NRXN1: variants seen among roughly 807,000 people sequenced by gnomAD.
NRXN1 encodes the protein neurexin-1.
Under a neutral mutation model 150.9 loss-of-function variants are expected in NRXN1, and 39 were observed. That is an observed-to-expected ratio of 0.26 (90% CI 0.20 to 0.34). The LOEUF (loss-of-function observed/expected upper bound fraction) is 0.34, where lower values mean the gene tolerates loss of function less well. Ranked by LOEUF, NRXN1 falls within the 10% of genes least tolerant of loss-of-function variation. The pLI, the probability that NRXN1 is intolerant of heterozygous loss-of-function variation, is 1.00. For synonymous variants in NRXN1, 924 were observed against 757.0 expected (o/e 1.22, Z -3.62); for missense variants, 1,815 against 1,949.9 (o/e 0.93, Z 1.30).
intron 5 of NRXN1, among the ~76,000 whole-genome samples, chr2:50,760,465 G>C (rs1701676864): frequency 1.3e-5 from 2 of 151,754 alleles, no homozygotes; most frequent in African/African-American, 2.4e-5. Flanking sequence ...CTCAGATCCT[G>C]TATGAAGACT....
intron 17 of NRXN1, among the ~76,000 whole-genome samples, chr2:50,295,054 T>C (rs2073402915): frequency 1.3e-5 from 2 of 152,240 alleles, no homozygotes; most frequent in African/African-American, 4.8e-5. Context: ...GCATGTTAAA[T>C]GCCTAGAAAG....
chr2:50,515,093 TCTCCATTA>T (rs2092589043), intron 12 of NRXN1, among the ~76,000 whole-genome samples: 1 of 152,122 alleles, frequency 6.6e-6, no homozygotes, highest in Non-Finnish European at 1.5e-5. Flanking sequence ...TTACAGCCGC[TCTCCATTA>T]CTCACATCAC....
Position 50,694,665 on chromosome 2 carries a change from T to C in NRXN1, c.833-71050A>G, listed in dbSNP as rs535734934. Among the ~76,000 whole-genome samples, 5 of 152,280 alleles carry C rather than the reference T, an allele frequency of 3.3e-5. No individual in the cohort carries two copies. The South Asian group carries it at 6.2e-4, about 19-fold the overall frequency. On this transcript the variant is annotated intron_variant, in intron 5 of 22. Transcript: ENST00000401669. ...AGGGAAAAGAAAATCAAACCAATTC[T>C]ACCAAAGAACAAATCAATTGATTTG...
At chr2:50,129,473 G>A (rs931710861) in intron 18 of NRXN1, among the ~76,000 whole-genome samples, 2 of 152,052 alleles carry the variant, frequency 1.3e-5, no homozygotes, top group Non-Finnish European at 2.9e-5. Flanking sequence ...AGTTTATATA[G>A]GATTACTTTT....
rs138249598 is a variant in NRXN1 at position 50,931,687 on chromosome 2, AT to A, written c.773-5733del. Among the ~76,000 whole-genome samples, 637 of 152,120 alleles carry A rather than the reference AT, an allele frequency of 4.2e-3. 2 individuals are homozygous for A. Among genetic ancestry groups the A allele is most frequent in the African/African-American group, 0.015 (618 of 41,538 alleles). On this transcript the variant is annotated intron_variant, in intron 2 of 22. Coordinates refer to ENST00000401669, the MANE Select transcript of NRXN1 (RefSeq NM_001330078.2). ...ATTTCTTCAGAGCTCTTAGTTTTTC[AT>A]TTTATATGGTGTTAAAAATTCACTG...
chr2:50,744,580 T>C (rs1699797376), intron 5 of NRXN1, among the ~76,000 whole-genome samples: 1 of 152,174 alleles, frequency 6.6e-6, no homozygotes. Flanking sequence ...GGTCCTTCAT[T>C]TATTCTATTG....
intron 5 of NRXN1, among the ~76,000 whole-genome samples, chr2:50,698,695 A>G (rs1693289491): frequency 6.6e-6 from 1 of 152,204 alleles, no homozygotes. Context: ...TGTGAAAACC[A>G]CTGAAACAGA....
intron 5 of NRXN1, among the ~76,000 whole-genome samples, chr2:50,831,903 G>A (rs371246007): frequency 1.1e-4 from 17 of 152,288 alleles, no homozygotes; most frequent in African/African-American, 4.1e-4. Context: ...GAGAAACAGC[G>A]TTCTGAGTGA....
intron 5 of NRXN1, among the ~76,000 whole-genome samples, chr2:50,629,019 C>T (rs1337108094): frequency 2.0e-5 from 3 of 151,598 alleles, no homozygotes; most frequent in Non-Finnish European, 4.4e-5. Flanking sequence ...GCAACTAGAA[C>T]TCTCATACAT....
chr2:50,664,396 C>CGTGTGTGTGTGTGTGT (rs35702112), intron 5 of NRXN1, among the ~76,000 whole-genome samples: 1 of 108,038 alleles, frequency 9.3e-6, no homozygotes, highest in Admixed American at 1.1e-4. Context: ...AAGTTTAAAG[C>CGTGTGTGTGTGTGTGT]GTGTGTGTGT....
At position 50,552,675 on chromosome 2, in the gene NRXN1, C is replaced by T. The variant is rs746407370; in HGVS notation, c.1671G>A (p.Gly557=). The T allele has an allele frequency of 2.5e-6, 4 of 1,613,764 alleles. No homozygotes were observed. The highest frequency in any genetic ancestry group is 4.5e-5 in the East Asian group (2 of 44,880). ...DGHLYLLLDM[G]SGTIKIKALL... is the part of the protein sequence containing the mutation. ...GGGCTTTTATTTTTATAGTACCTGA[C>T]CCCATGTCCAGGAGGAGGTAGAGGT... Residue 557 remains glycine, a synonymous_variant, in exon 9 of 23, where the codon GGG becomes GGA. Coordinates refer to ENST00000401669, the MANE Select transcript of NRXN1 (RefSeq NM_001330078.2).
At chr2:50,235,845 C>A (rs961826540) in intron 18 of NRXN1, among the ~76,000 whole-genome samples, 1 of 151,986 alleles carries the variant, frequency 6.6e-6, no homozygotes, top group Non-Finnish European at 1.5e-5. Flanking sequence ...CTTCTGAAAT[C>A]TTCCAAAAGA....
At chr2:50,999,554 C>T (rs912009749) in intron 2 of NRXN1, among the ~76,000 whole-genome samples, 1 of 151,960 alleles carries the variant, frequency 6.6e-6, no homozygotes, top group Non-Finnish European at 1.5e-5. Flanking sequence ...CCCCAGGCAC[C>T]CAGCTTTAAA....
At chr2:50,479,713 T>A (rs79145336) in intron 15 of NRXN1, among the ~76,000 whole-genome samples, 404 of 151,172 alleles carry the variant, frequency 2.7e-3, no homozygotes, top group African/African-American at 8.6e-3. Flanking sequence ...ACCTGAGCAA[T>A]AATGAATTAA....
intron 18 of NRXN1, among the ~76,000 whole-genome samples, chr2:50,153,992 T>G (rs1355630105): frequency 6.6e-6 from 1 of 151,794 alleles, no homozygotes; most frequent in Non-Finnish European, 1.5e-5. Flanking sequence ...GCTGCTAAAC[T>G]AAAACTGACT....
At position 50,940,485 on chromosome 2, in the gene NRXN1, A is replaced by G. The variant is rs575201019; in HGVS notation, c.773-14530T>C. On this transcript the variant is annotated intron_variant, in intron 2 of 22. Transcript: ENST00000401669. ...CAAGACTCCATCTCAAAAAAAAAAA[A>G]AAAAGAAAAGAAAAGAAAACCAAAG... Among the ~76,000 whole-genome samples, 98 of 151,822 alleles carry G rather than the reference A, an allele frequency of 6.5e-4. 1 individual carries two copies. The highest frequency in any genetic ancestry group is 1.4e-3 in the Admixed American group (22 of 15,248).
chr2:50,896,185 G>T (rs1187743657), intron 5 of NRXN1, among the ~76,000 whole-genome samples: 1 of 151,962 alleles, frequency 6.6e-6, no homozygotes, highest in African/African-American at 2.4e-5. Flanking sequence ...TCTTTCATCT[G>T]GTCTCTAAAT....
chr2:50,171,593 CCAAG>C, intron 18 of NRXN1, among the ~76,000 whole-genome samples: 1 of 152,016 alleles, frequency 6.6e-6, no homozygotes, highest in Non-Finnish European at 1.5e-5. Flanking sequence ...GAGTCATTTG[CCAAG>C]CTCAGGCAAA....
At chr2:50,603,133 T>G (rs142652374) in intron 8 of NRXN1, among the ~76,000 whole-genome samples, 1 of 152,330 alleles carries the variant, frequency 6.6e-6, no homozygotes, top group South Asian at 2.1e-4. Flanking sequence ...ACACAGAGCT[T>G]ATCCATCTAC....
Sources: gnomAD v4.1 joint callset for allele counts (sites outside exome capture counted in the v4.1 genomes callset) on GRCh38, gnomAD v4.1.1 for gene constraint, MANE v1.5 for transcripts, NCBI Gene and HGNC (gene_info 2026-07-23, HGNC 2026-07-21) for gene names.